The following BIRC3 variants were observed in gnomAD, a reference collection of about 807,000 sequenced individuals.
BIRC3 encodes the protein baculoviral IAP repeat-containing protein 3.
BIRC3 carries 26 observed loss-of-function variants against 59.0 expected under a neutral mutation model. That is an observed-to-expected ratio of 0.44 (90% CI 0.32 to 0.61). The LOEUF is 0.61. Among genes scored for constraint, BIRC3 ranks in the 20% least tolerant of loss-of-function variants. The pLI, the probability that BIRC3 is intolerant of heterozygous loss-of-function variation, is 0.04. For synonymous variants in BIRC3, 243 were observed against 249.2 expected, an observed-to-expected ratio of 0.98 and a Z score of 0.24; for missense variants, 641 against 711.5, an observed-to-expected ratio of 0.90 and a Z score of 1.13.
At chr11:102,318,459 G>A (rs1247729521) in intron 1 of BIRC3, among the ~76,000 whole-genome samples, 1 of 152,202 alleles carries the variant, frequency 6.6e-6, no homozygotes, top group African/African-American at 2.4e-5. Flanking sequence ...TCTTCAACGG[G>A]AAGTCTTCGT....
Position 102,324,943 on chromosome 11 carries a change from C to G in BIRC3, c.434C>G (p.Pro145Arg). The G allele has an allele frequency of 2.5e-6, 4 of 1,614,172 alleles. No individual in the cohort carries two copies. The highest frequency in any genetic ancestry group is 3.4e-6 in the Non-Finnish European group (4 of 1,180,020). The change falls in exon 2 of 9, where the codon CCT becomes CGT. Residue 145 changes from proline to arginine, a missense_variant. By Grantham distance (103) the Pro-to-Arg change is moderately radical (BLOSUM62 -2). This residue lies in a region of BIRC3 where 329 missense variants were observed against 365.6 expected (regional missense o/e 0.90). Transcript: ENST00000263464. Reference sequence around the variant, plus strand: ...TCTTATTCAAACTCTCCATCAAATCCTGTAAACTCCAGAGCAAATCAAGAT... The same window carrying G: ...TCTTATTCAAACTCTCCATCAAATCGTGTAAACTCCAGAGCAAATCAAGAT... ...RGSYSNSPSN[P>R]VNSRANQDFS...
At position 102,322,717 on chromosome 11, in the gene BIRC3, T is replaced by A. The variant is rs1951043296; in HGVS notation, c.-1793T>A. Reference sequence around the variant, plus strand: ...GCCACCTGGAAACAAAGCATTGAAGTCTGCAGTTGAAAAGCCCAACGTCTG... The same window carrying A: ...GCCACCTGGAAACAAAGCATTGAAGACTGCAGTTGAAAAGCCCAACGTCTG... On this transcript the variant is annotated 5_prime_UTR_variant, in exon 2 of 9. Coordinates refer to ENST00000263464, the MANE Select transcript of BIRC3 (RefSeq NM_001165.5). The A allele has an allele frequency of 5.2e-6, 1 of 191,820 alleles. No homozygotes were observed. Among genetic ancestry groups the A allele is most frequent in the East Asian group, 7.9e-5 (1 of 12,642 alleles). 11.9% of individuals were successfully genotyped at this position (191,820 alleles called of 1,614,324 possible).
At chr11:102,328,774 G>T in intron 4 of BIRC3, 123 bp from the exon 5 acceptor site, 1 of 297,560 alleles carries the variant, frequency 3.4e-6, no homozygotes. Flanking sequence ...TTGCCAGTAA[G>T]CAAGTGGTTT....
intron 3 of BIRC3, 29 bp from the exon 4 acceptor site, chr11:102,328,023 C>T (rs1379348377): frequency 1.1e-5 from 17 of 1,514,218 alleles, no homozygotes; most frequent in South Asian, 3.5e-5. Flanking sequence ...ATAAATAATC[C>T]CTCAAATTTT....
intron 1 of BIRC3, among the ~76,000 whole-genome samples, chr11:102,317,868 T>C (rs2135778792): frequency 6.6e-6 from 1 of 152,284 alleles, no homozygotes; most frequent in Admixed American, 6.5e-5. Flanking sequence ...TGCCAAGAGT[T>C]ATCACTGGGC....
In BIRC3 at chr11:102,336,028, C is replaced by A; in HGVS notation, c.1387C>A (p.Pro463Thr). The A allele has an allele frequency of 6.2e-7, 1 of 1,613,318 alleles. No individual in the cohort carries two copies. Among genetic ancestry groups the A allele is most frequent in the Non-Finnish European group, 8.5e-7 (1 of 1,179,614 alleles). The change falls in exon 7 of 9, where the codon CCA (proline) becomes ACA (threonine). Residue 463 changes from proline (P) to threonine (T), a missense_variant. Coordinates refer to ENST00000263464, the MANE Select transcript of BIRC3 (RefSeq NM_001165.5). The part of the protein sequence containing the change: ...ALFQHLTCVI[P>T]ILDSLLTAGI... ...TTTTCAACATTTGACTTGTGTAATT[C>A]CAATCCTGGATAGTCTACTAACTGC...
In BIRC3 at chr11:102,328,066, T is replaced by A; in HGVS notation, c.968T>A (p.Ile323Lys). Residue 323 changes from isoleucine (I) to lysine (K), a missense_variant, in exon 4 of 9, where the codon ATA becomes AAA. Physicochemically the swap from Ile to Lys is moderately radical, Grantham distance 102 (BLOSUM62 -3). Transcript: ENST00000263464. Reference protein sequence around the residue: ...AKWFPRCEYLIRIKGQEFIRQ... With the variant: ...AKWFPRCEYLKRIKGQEFIRQ... ...TTACATTTTAGGTGTGAGTACTTGATAAGAATTAAAGGACAGGAGTTCATC... is the reference window on the plus strand; with the variant it reads ...TTACATTTTAGGTGTGAGTACTTGAAAAGAATTAAAGGACAGGAGTTCATC... The A allele has an allele frequency of 1.2e-6, 2 of 1,607,732 alleles. No individual in the cohort carries two copies. Among genetic ancestry groups the A allele is most frequent in the Non-Finnish European group, 1.7e-6 (2 of 1,177,922 alleles).
chr11:102,325,819 A>C (rs12285135), intron 3 of BIRC3, among the ~76,000 whole-genome samples: 1,862 of 152,172 alleles, frequency 0.012, 30 homozygotes, highest in African/African-American at 0.043. Flanking sequence ...GCTCATTATA[A>C]AAACAAAGTC....
At chr11:102,329,267 G>A (rs1697440820) in intron 5 of BIRC3, among the ~76,000 whole-genome samples, 1 of 152,208 alleles carries the variant, frequency 6.6e-6, no homozygotes, top group African/African-American at 2.4e-5. Context: ...CAGTGTGGGA[G>A]CAGATGTACT....
At chr11:102,335,835 C>T in intron 6 of BIRC3, 131 bp from the exon 7 acceptor site, 3 of 908,426 alleles carry the variant, frequency 3.3e-6, no homozygotes, top group Admixed American at 2.8e-5. Flanking sequence ...ACCCCTAAAC[C>T]TAGCAATCAA....
rs11403428 is a variant in BIRC3, at chr11:102,339,210, GT to G, written c.*2119del. On this transcript the variant is annotated 3_prime_UTR_variant, in exon 9 of 9. Coordinates refer to ENST00000263464, the MANE Select transcript of BIRC3 (RefSeq NM_001165.5). The stretch of plus-strand genomic sequence containing the variant: ...AGTAGGCACCCTTTTTGCACCATGT[GT>G]TTTTTTTTTTATCTAGTTCTTGTAT... 4.8e-4 allele frequency: 87 copies of G among 182,192 alleles called. No homozygotes were observed. The highest frequency in any genetic ancestry group is 1.2e-3 in the South Asian group (6 of 5,026). The allele number at this position is 182,192 out of a possible 1,614,324, so 11.3% of individuals were successfully genotyped here. A position where few individuals can be genotyped will look rare whatever the true frequency, so the allele number is the denominator to read the frequency against.
Position 102,322,326 on chromosome 11 carries a change from A to G in BIRC3, c.-2184A>G. On this transcript the variant is annotated 5_prime_UTR_variant, in exon 2 of 9. Transcript: ENST00000263464. The stretch of plus-strand genomic sequence containing the variant: ...CACATTAAAATACTTCTACAGTGAC[A>G]AAGAAAAATCAAGAACAAAGCTTTT... 1 of 207,868 alleles carries G rather than the reference A, an allele frequency of 4.8e-6. No homozygotes were observed. Among genetic ancestry groups the G allele is most frequent in the Non-Finnish European group, 9.8e-6 (1 of 101,900 alleles). 12.9% of individuals were successfully genotyped at this position (207,868 alleles called of 1,614,324 possible). A position where few individuals can be genotyped will look rare whatever the true frequency, so the allele number is the denominator to read the frequency against.
intron 5 of BIRC3, 39 bp from the exon 6 acceptor site, chr11:102,330,960 G>T: frequency 2.0e-6 from 3 of 1,519,762 alleles, no homozygotes; most frequent in South Asian, 1.3e-5. Context: ...AGAAATATAA[G>T]GCTATCCTAA....
chr11:102,332,142 G>A (rs1448398909), intron 6 of BIRC3, among the ~76,000 whole-genome samples: 2 of 152,106 alleles, frequency 1.3e-5, no homozygotes, highest in Admixed American at 6.6e-5. Flanking sequence ...CATACTAAAC[G>A]TATCCACTAT....
chr11:102,326,316 G>A (rs1591521170), intron 3 of BIRC3, among the ~76,000 whole-genome samples: 1 of 152,186 alleles, frequency 6.6e-6, no homozygotes, highest in South Asian at 2.1e-4. Flanking sequence ...AAATTGGGTG[G>A]TCAGGGTAAG....
chr11:102,335,923 G>T, intron 6 of BIRC3, 43 bp from the exon 7 acceptor site: 1 of 1,560,252 alleles, frequency 6.4e-7, no homozygotes, highest in Non-Finnish European at 8.7e-7. Context: ...AAGTTTGTGA[G>T]CAGAGTTTGA....
rs149102827 is a variant in BIRC3 at position 102,324,843 on chromosome 11, A to G, written c.334A>G (p.Thr112Ala). The change falls in exon 2 of 9, where the codon ACT becomes GCT. Residue 112 changes from threonine to alanine, a missense_variant. Around this residue, in one of 4 missense-constraint regions of BIRC3, gnomAD observed 329 missense variants for 365.6 expected, o/e 0.90. Transcript: ENST00000263464. ...CAACTTGGAAGCTACCTCTCAGCCT[A>G]CTTTTCCTTCTTCAGTAACAAATTC... ...VNNLEATSQP[T>A]FPSSVTNSTH... 53 of 1,614,102 alleles carry G rather than the reference A, an allele frequency of 3.3e-5. No homozygotes were observed. The highest frequency in any genetic ancestry group is 4.2e-5 in the Non-Finnish European group (50 of 1,180,042).
intron 4 of BIRC3, among the ~76,000 whole-genome samples, chr11:102,328,457 T>A (rs1454122993): frequency 1.3e-5 from 2 of 152,124 alleles, no homozygotes; most frequent in Non-Finnish European, 2.9e-5. Context: ...AGAATTTTAT[T>A]GCTTTTTCTA....
Position 102,330,886 on chromosome 11 carries a change from G to T in BIRC3, c.1082-113G>T, listed in dbSNP as rs1951130958. Reference sequence around the variant, plus strand: ...AAAATAATGCCTATACATTTTGTTGGTTTTACATTTTTAATATTATAAAAC... The same window carrying T: ...AAAATAATGCCTATACATTTTGTTGTTTTTACATTTTTAATATTATAAAAC... On this transcript the variant is annotated intron_variant, in intron 5 of 8. Transcript: ENST00000263464. 6 of 1,131,798 alleles carry T rather than the reference G, an allele frequency of 5.3e-6. No homozygotes were observed. In the South Asian group the frequency reaches 5.6e-5, roughly 10 times the overall value. 70.1% of individuals were successfully genotyped at this position (1,131,798 alleles called of 1,614,324 possible).
Sources: gnomAD v4.1 joint callset for allele counts (sites outside exome capture counted in the v4.1 genomes callset) on GRCh38, gnomAD v4.1.1 for gene constraint, gnomAD v4.1.1 regional missense constraint, MANE v1.5 for transcripts, NCBI Gene and HGNC (gene_info 2026-07-23, HGNC 2026-07-21) for gene names.